Variants in FNDC3B observed in about 807,000 individuals in gnomAD.
FNDC3B encodes fibronectin type III domain-containing protein 3B.
A neutral mutation model predicts 151.5 loss-of-function variants in FNDC3B; 12 were observed. The ratio of observed to expected loss-of-function variants is 0.08; its 90% confidence interval spans 0.05 to 0.13. The LOEUF (loss-of-function observed/expected upper bound fraction) is 0.13. Ranked by LOEUF, FNDC3B falls within the 10% of genes least tolerant of loss-of-function variation. FNDC3B has a pLI of 1.00. For missense variants in FNDC3B, 1,214 were observed against 1,505.3 expected (o/e 0.81, Z 3.20); for synonymous variants, 528 against 549.0 (o/e 0.96, Z 0.54).
At chr3:172,079,028 G>A (rs576261788) in intron 1 of FNDC3B, among the ~76,000 whole-genome samples, 10 of 152,168 alleles carry the variant, frequency 6.6e-5, no homozygotes, top group African/African-American at 1.9e-4. Context: ...TTTAACTCAC[G>A]CCCTATAGAA....
intron 1 of FNDC3B, among the ~76,000 whole-genome samples, chr3:172,106,634 C>A (rs1719657946): frequency 6.6e-6 from 1 of 152,132 alleles, no homozygotes; most frequent in Non-Finnish European, 1.5e-5. Flanking sequence ...AGGCCAGTTT[C>A]ACAGACTTAA....
intron 3 of FNDC3B, among the ~76,000 whole-genome samples, chr3:172,193,437 A>T (rs1724664969): frequency 6.8e-6 from 1 of 148,132 alleles, no homozygotes; most frequent in African/African-American, 2.5e-5. Context: ...ATTTAGATGC[A>T]TTAGATGGAT....
At chr3:172,269,435 ATTT>A (rs377668715) in intron 6 of FNDC3B, among the ~76,000 whole-genome samples, 1 of 53,136 alleles carries the variant, frequency 1.9e-5, no homozygotes. Context: ...ATTAAAAAAA[ATTT>A]TTTTTTTTTT....
intron 22 of FNDC3B, among the ~76,000 whole-genome samples, chr3:172,358,954 TTGG>T (rs60325692): frequency 0.11 from 9,051 of 80,376 alleles, 553 homozygotes; most frequent in East Asian, 0.15. Flanking sequence ...CACAGTTTTC[TTGG>T]TGGTGGTGGT....
chr3:172,390,949 G>A (rs1735978711), intron 25 of FNDC3B, among the ~76,000 whole-genome samples: 1 of 152,190 alleles, frequency 6.6e-6, no homozygotes, highest in Non-Finnish European at 1.5e-5. Context: ...TTAGCAGCGA[G>A]CTATGGGAAG....
chr3:172,269,961 T>C (rs1279908772), intron 6 of FNDC3B, among the ~76,000 whole-genome samples: 2 of 152,230 alleles, frequency 1.3e-5, no homozygotes, highest in Non-Finnish European at 2.9e-5. Flanking sequence ...TCTGTGCTTT[T>C]TTATAGGACA....
intron 3 of FNDC3B, among the ~76,000 whole-genome samples, chr3:172,139,783 C>T (rs1164202139): frequency 2.7e-5 from 4 of 149,588 alleles, no homozygotes. Flanking sequence ...GACAGGGTAT[C>T]CTGTCTCAAA....
chr3:172,208,170 T>C (rs767837809), intron 3 of FNDC3B, among the ~76,000 whole-genome samples: 3 of 152,198 alleles, frequency 2.0e-5, no homozygotes, highest in Non-Finnish European at 4.4e-5. Context: ...AAGAATATAA[T>C]ATATTGTGAT....
intron 4 of FNDC3B, among the ~76,000 whole-genome samples, chr3:172,233,041 G>A (rs550081970): frequency 6.6e-6 from 1 of 152,172 alleles, no homozygotes; most frequent in South Asian, 2.1e-4. Flanking sequence ...ATTGTATACT[G>A]GCCATGGCTC....
chr3:172,325,240 A>G (rs1240535501), intron 11 of FNDC3B, among the ~76,000 whole-genome samples: 1 of 152,218 alleles, frequency 6.6e-6, no homozygotes, highest in African/African-American at 2.4e-5. Flanking sequence ...AAGTTTCCGA[A>G]GTCAAGTCAG....
chr3:172,297,567 T>C (rs538522111), intron 8 of FNDC3B, among the ~76,000 whole-genome samples: 32 of 152,186 alleles, frequency 2.1e-4, no homozygotes, highest in South Asian at 6.2e-4. Context: ...CTCCGCCTCC[T>C]GGGTTCACGC....
At chr3:172,388,186 G>GT in intron 25 of FNDC3B, among the ~76,000 whole-genome samples, 1 of 152,220 alleles carries the variant, frequency 6.6e-6, no homozygotes, top group South Asian at 2.1e-4. Context: ...AGAGATGAAG[G>GT]TAAGCCTCCA....
chr3:172,286,180 C>T (rs1449370639), intron 7 of FNDC3B, among the ~76,000 whole-genome samples, 196 bp downstream of exon 7: 3 of 151,914 alleles, frequency 2.0e-5, no homozygotes, highest in Non-Finnish European at 4.4e-5. Context: ...TGTGTGTAGT[C>T]GTAATCTACT....
intron 3 of FNDC3B, among the ~76,000 whole-genome samples, chr3:172,205,760 A>T (rs1368467474): frequency 6.6e-6 from 1 of 152,244 alleles, no homozygotes; most frequent in African/African-American, 2.4e-5. Flanking sequence ...GATCAGAAAG[A>T]TAATGCATTC....
chr3:172,204,376 C>T (rs1725318580), intron 3 of FNDC3B, among the ~76,000 whole-genome samples: 3 of 152,150 alleles, frequency 2.0e-5, no homozygotes, highest in Admixed American at 2.0e-4. Flanking sequence ...CATAAATAAA[C>T]CAGGCTGCCT....
rs142338611 is a variant in FNDC3B at position 172,383,231 on chromosome 3, A to G, written c.3303+2138A>G. On this transcript the variant is annotated intron_variant, in intron 25 of 25. Transcript: ENST00000415807. The stretch of plus-strand genomic sequence containing the variant: ...TAGGTATTTTATTCTCTTTGTAGCA[A>G]TTGTGAATGGGAGTTTGCTCATGAT... Among the ~76,000 whole-genome samples, 576 of 152,194 alleles carry G rather than the reference A, an allele frequency of 3.8e-3. 1 individual carries two copies. The highest frequency in any genetic ancestry group is 8.2e-3 in the African/African-American group (339 of 41,520).
intron 2 of FNDC3B, among the ~76,000 whole-genome samples, chr3:172,124,379 C>CCA (rs1720705209): frequency 6.6e-6 from 1 of 152,208 alleles, no homozygotes; most frequent in African/African-American, 2.4e-5. Flanking sequence ...GCGTGAGCCA[C>CCA]CACGCCTGGG....
intron 6 of FNDC3B, among the ~76,000 whole-genome samples, chr3:172,284,191 A>C (rs1294105978): frequency 6.6e-6 from 1 of 152,168 alleles, no homozygotes; most frequent in African/African-American, 2.4e-5. Flanking sequence ...GTCCTAGGGC[A>C]GGGGTCATTG....
At chr3:172,297,762 C>T (rs908487910) in intron 8 of FNDC3B, among the ~76,000 whole-genome samples, 10 of 111,566 alleles carry the variant, frequency 9.0e-5, no homozygotes, top group Admixed American at 2.5e-4. Context: ...GCGTGAGCCA[C>T]CGCGCCCGGC....
Sources: gnomAD v4.1 joint callset for allele counts (sites outside exome capture counted in the v4.1 genomes callset) on GRCh38, gnomAD v4.1.1 for gene constraint, MANE v1.5 for transcripts, NCBI Gene and HGNC (gene_info 2026-07-23, HGNC 2026-07-21) for gene names.